Variants in HNF4G observed in about 807,000 individuals in gnomAD.
HNF4G encodes the protein hepatocyte nuclear factor 4-gamma.
A neutral mutation model predicts 50.9 loss-of-function variants in HNF4G; 21 were observed. The observed-to-expected ratio is 0.41, with a 90% confidence interval of 0.29 to 0.59. The LOEUF is 0.59. Ranked by LOEUF, HNF4G falls within the 20% of genes least tolerant of loss-of-function variation. The pLI, the probability that HNF4G is intolerant of heterozygous loss-of-function variation, is 0.26. For synonymous variants in HNF4G, 198 were observed against 185.6 expected (o/e 1.07, Z -0.54); for missense variants, 527 against 559.4 (o/e 0.94, Z 0.58).
intron 1 of HNF4G, among the ~76,000 whole-genome samples, chr8:75,462,339 G>A (rs1006438932): frequency 1.3e-5 from 2 of 152,120 alleles, no homozygotes; most frequent in Non-Finnish European, 2.9e-5. Flanking sequence ...GTATCACAGT[G>A]ATTGTGTTAC....
At chr8:75,478,660 C>T (rs988673109) in intron 1 of HNF4G, among the ~76,000 whole-genome samples, 1 of 152,148 alleles carries the variant, frequency 6.6e-6, no homozygotes, top group African/African-American at 2.4e-5. Context: ...AGCTAGTGTA[C>T]CTTTTTGAGA....
At chr8:75,505,887 T>G (rs1165855884) in intron 2 of HNF4G, among the ~76,000 whole-genome samples, 2 of 152,118 alleles carry the variant, frequency 1.3e-5, no homozygotes, top group African/African-American at 4.8e-5. Context: ...GGAATGACCC[T>G]TGACAGTCTG....
chr8:75,481,940 CT>C (rs1435885964), intron 1 of HNF4G, among the ~76,000 whole-genome samples: 1 of 152,116 alleles, frequency 6.6e-6, no homozygotes, highest in Non-Finnish European at 1.5e-5. Flanking sequence ...CTACTTGCAC[CT>C]TTGTTCAGGG....
intron 8 of HNF4G, among the ~76,000 whole-genome samples, chr8:75,559,281 T>G (rs76826448): frequency 4.8e-4 from 73 of 150,574 alleles, no homozygotes; most frequent in East Asian, 1.6e-3. Context: ...TTGTTTGTTT[T>G]TTTTTTTTTT....
intron 1 of HNF4G, among the ~76,000 whole-genome samples, chr8:75,428,974 T>C (rs1243739491): frequency 6.6e-6 from 1 of 152,162 alleles, no homozygotes; most frequent in Non-Finnish European, 1.5e-5. Flanking sequence ...CACCAGATCA[T>C]GATAGCTTAA....
chr8:75,452,509 G>A (rs1811609283), intron 1 of HNF4G, among the ~76,000 whole-genome samples: 1 of 152,122 alleles, frequency 6.6e-6, no homozygotes, highest in African/African-American at 2.4e-5. Context: ...CATGAGGTCA[G>A]GAAATCGAGA....
chr8:75,531,273 A>G (rs914791087), intron 2 of HNF4G, among the ~76,000 whole-genome samples: 1 of 152,214 alleles, frequency 6.6e-6, no homozygotes, highest in Non-Finnish European at 1.5e-5. Context: ...AAGTACAGAT[A>G]GAAAGAGCTC....
intron 1 of HNF4G, among the ~76,000 whole-genome samples, chr8:75,479,288 A>G (rs1435285187): frequency 6.6e-6 from 1 of 152,248 alleles, no homozygotes; most frequent in Non-Finnish European, 1.5e-5. Context: ...CACCTAAAAA[A>G]TGGCCTGCAT....
intron 1 of HNF4G, among the ~76,000 whole-genome samples, chr8:75,411,463 C>G (rs1810499657): frequency 6.6e-6 from 1 of 152,296 alleles, no homozygotes; most frequent in South Asian, 2.1e-4. Flanking sequence ...ATGGGTAGAA[C>G]TTAAATAACA....
At chr8:75,554,750 T>C (rs890317445) in intron 5 of HNF4G, among the ~76,000 whole-genome samples, 2 of 152,134 alleles carry the variant, frequency 1.3e-5, no homozygotes, top group Admixed American at 1.3e-4. Context: ...ATGCAAAAAT[T>C]ATGAGAAAGT....
chr8:75,502,277 A>G (rs1003523777), intron 2 of HNF4G, among the ~76,000 whole-genome samples: 2 of 152,232 alleles, frequency 1.3e-5, no homozygotes, highest in African/African-American at 4.8e-5. Flanking sequence ...GTTGTGTGAA[A>G]GACAGAGAAT....
intron 2 of HNF4G, among the ~76,000 whole-genome samples, chr8:75,515,122 T>C (rs78246504): frequency 6.6e-6 from 1 of 152,336 alleles, no homozygotes; most frequent in Non-Finnish European, 1.5e-5. Context: ...GTCTTTCCAG[T>C]GTTCCATTGC....
At chr8:75,478,388 C>T (rs754333069) in intron 1 of HNF4G, among the ~76,000 whole-genome samples, 16 of 152,212 alleles carry the variant, frequency 1.1e-4, no homozygotes, top group Non-Finnish European at 2.2e-4. Flanking sequence ...CTTCCGCAGG[C>T]ATTCTAAAGT....
intron 1 of HNF4G, among the ~76,000 whole-genome samples, chr8:75,418,722 CT>C (rs560295179): frequency 0.015 from 1,646 of 109,380 alleles, 10 homozygotes; most frequent in African/African-American, 0.051. Context: ...CTCTCTCTCT[CT>C]TTTTTTTTTT....
chr8:75,553,213 T>G lies in HNF4G; in HGVS notation c.645+16T>G. 1 of 1,591,440 alleles carries G rather than the reference T, an allele frequency of 6.3e-7. No individual in the cohort carries two copies. The highest frequency in any genetic ancestry group is 1.4e-5 in the African/African-American group (1 of 73,974). ...GGATGATCAGGTACACATTTAAAAC[T>G]TTATAAATGCTTTAAAAATGCTTCT... On this transcript the variant is annotated intron_variant, in intron 5 of 9. Coordinates refer to ENST00000396423, the MANE Select transcript of HNF4G (RefSeq NM_004133.5).
chr8:75,482,076 C>T (rs137951294), intron 1 of HNF4G, among the ~76,000 whole-genome samples: 79 of 152,198 alleles, frequency 5.2e-4, no homozygotes, highest in African/African-American at 1.7e-3. Context: ...ACAATATCCT[C>T]GAGAAAATCA....
At chr8:75,547,799 G>A (rs1179250115) in intron 3 of HNF4G, 118 bp downstream of exon 3, 2 of 672,350 alleles carry the variant, frequency 3.0e-6, no homozygotes, top group Non-Finnish European at 5.2e-6. Context: ...AATATAATAA[G>A]GAGGAATCTA....
At chr8:75,477,954 C>T (rs1563522011) in intron 1 of HNF4G, among the ~76,000 whole-genome samples, 1 of 150,320 alleles carries the variant, frequency 6.7e-6, no homozygotes, top group African/African-American at 2.5e-5. Context: ...GCAACAAGAG[C>T]GAAACTCCGT....
chr8:75,519,273 T>C (rs922334334), intron 2 of HNF4G, among the ~76,000 whole-genome samples: 2 of 152,202 alleles, frequency 1.3e-5, no homozygotes, highest in African/African-American at 4.8e-5. Flanking sequence ...ATTAGCATTT[T>C]GGTCAAAACC....
Sources: allele counts gnomAD v4.1 joint callset (sites outside exome capture counted in the v4.1 genomes callset), GRCh38; gene constraint gnomAD v4.1.1; transcripts MANE v1.5; gene names NCBI Gene and HGNC (gene_info 2026-07-23, HGNC 2026-07-21).